The following CNTNAP2 variants were observed in gnomAD, a reference collection of about 807,000 sequenced individuals.
The protein encoded by CNTNAP2 is contactin associated protein 2, also known as contactin-associated protein-like 2.
Under a neutral mutation model 155.2 loss-of-function variants are expected in CNTNAP2, and 98 were observed. The observed-to-expected ratio is 0.63, with a 90% CI of 0.54 to 0.75. The LOEUF (loss-of-function observed/expected upper bound fraction) is 0.75, where lower values mean the gene tolerates loss of function less well. Ranked by LOEUF, CNTNAP2 falls within the 30% of genes least tolerant of loss-of-function variation. The pLI is 0.00. For synonymous variants in CNTNAP2, 651 were observed against 631.2 expected, an observed-to-expected ratio of 1.03 and a Z score of -0.47; for missense variants, 1,727 against 1,688.1, an observed-to-expected ratio of 1.02 and a Z score of -0.40.
chr7:147,898,801 A>G (rs1799813652), intron 13 of CNTNAP2, among the ~76,000 whole-genome samples: 2 of 152,178 alleles, frequency 1.3e-5, no homozygotes, highest in Admixed American at 1.3e-4. Context: ...TACAGGTGTG[A>G]GCCACCACGT....
intron 1 of CNTNAP2, among the ~76,000 whole-genome samples, chr7:146,479,897 G>C (rs1796934200): frequency 6.6e-6 from 1 of 152,120 alleles, no homozygotes; most frequent in Non-Finnish European, 1.5e-5. Context: ...CGATTCTTCT[G>C]CCTCATCCTC....
intron 3 of CNTNAP2, among the ~76,000 whole-genome samples, chr7:146,893,948 A>G (rs1240326538): frequency 6.6e-6 from 1 of 152,182 alleles, no homozygotes; most frequent in African/African-American, 2.4e-5. Flanking sequence ...CTAGGAGAGT[A>G]ATATTCTGGC....
chr7:147,576,646 C>T (rs1010987063), intron 12 of CNTNAP2, among the ~76,000 whole-genome samples: 1 of 152,162 alleles, frequency 6.6e-6, no homozygotes, highest in East Asian at 1.9e-4. Flanking sequence ...CATTTTGATG[C>T]AAGAGTGAAG....
At chr7:148,253,336 G>A (rs1325657907) in intron 20 of CNTNAP2, among the ~76,000 whole-genome samples, 4 of 151,980 alleles carry the variant, frequency 2.6e-5, no homozygotes, top group Admixed American at 6.6e-5. Flanking sequence ...CCTTCAAAAC[G>A]CCTCCACTCT....
At chr7:147,126,480 TA>T (rs1417120098) in intron 6 of CNTNAP2, among the ~76,000 whole-genome samples, 4 of 152,150 alleles carry the variant, frequency 2.6e-5, no homozygotes, top group African/African-American at 9.7e-5. Flanking sequence ...ATTTTATTAT[TA>T]TTAATATTTG....
intron 1 of CNTNAP2, among the ~76,000 whole-genome samples, chr7:146,645,995 T>C: frequency 6.6e-6 from 1 of 152,190 alleles, no homozygotes. Flanking sequence ...AAAAGTCACA[T>C]ATGTCACTGT....
At position 146,822,645 on chromosome 7, in the gene CNTNAP2, T is replaced by A. The variant is rs180708665; in HGVS notation, c.209-17066T>A. 3.4e-5 allele frequency among the ~76,000 whole-genome samples: 5 copies of A among 148,522 alleles called. No individual in the cohort carries two copies. The East Asian group carries it at 9.9e-4, about 29-fold the overall frequency. ...GTGAAAACATTACTTATCAAAATAC[T>A]AATAAATATTTAAATATAAATATAC... On this transcript the variant is annotated intron_variant, in intron 2 of 23. Transcript: ENST00000361727.
intron 11 of CNTNAP2, among the ~76,000 whole-genome samples, chr7:147,515,238 C>CA (rs1476460213): frequency 1.2e-4 from 19 of 152,052 alleles, no homozygotes; most frequent in African/African-American, 4.6e-4. Flanking sequence ...CCCACCTTAA[C>CA]AACCATATTT....
rs1055434027 is a variant in CNTNAP2 at position 147,049,371 on chromosome 7, C to T, written c.550+5317C>T. On this transcript the variant is annotated intron_variant, in intron 4 of 23. Coordinates refer to ENST00000361727, the MANE Select transcript of CNTNAP2 (RefSeq NM_014141.6). Reference sequence around the variant, plus strand: ...AAACATATTTGTTACGAAACACTTTCCAAAAGTTACTTCCAAAAATTTACT... The same window carrying T: ...AAACATATTTGTTACGAAACACTTTTCAAAAGTTACTTCCAAAAATTTACT... Among the ~76,000 whole-genome samples, 4 of 152,108 alleles carry T rather than the reference C, an allele frequency of 2.6e-5. No homozygotes were observed. In the East Asian group the frequency reaches 5.8e-4, roughly 22 times the overall value.
intron 8 of CNTNAP2, among the ~76,000 whole-genome samples, chr7:147,160,105 A>G (rs1801999121): frequency 6.6e-6 from 1 of 152,122 alleles, no homozygotes; most frequent in South Asian, 2.1e-4. Flanking sequence ...ACTGTGACTG[A>G]CAAATTGGTT....
At chr7:146,464,310 T>G (rs1796685348) in intron 1 of CNTNAP2, among the ~76,000 whole-genome samples, 1 of 151,304 alleles carries the variant, frequency 6.6e-6, no homozygotes, top group South Asian at 2.1e-4. Context: ...TCCTCCTCCC[T>G]ATCAGAATAT....
chr7:146,903,664 A>G (rs946284982), intron 3 of CNTNAP2, among the ~76,000 whole-genome samples: 45 of 152,310 alleles, frequency 3.0e-4, no homozygotes, highest in African/African-American at 1.1e-3. Context: ...GAATCAGCGG[A>G]TCTCACAGAC....
At chr7:147,084,449 T>C (rs1237458963) in intron 4 of CNTNAP2, among the ~76,000 whole-genome samples, 5 of 139,298 alleles carry the variant, frequency 3.6e-5, no homozygotes, top group Non-Finnish European at 6.1e-5. Context: ...ATAATACATA[T>C]ATGCATAATG....
intron 3 of CNTNAP2, among the ~76,000 whole-genome samples, chr7:146,911,099 C>A (rs1425570007): frequency 6.6e-6 from 1 of 152,046 alleles, no homozygotes; most frequent in Non-Finnish European, 1.5e-5. Context: ...ATCAAAACCA[C>A]TATGAGATAT....
At chr7:147,499,648 C>G (rs1469338566) in intron 11 of CNTNAP2, among the ~76,000 whole-genome samples, 1 of 152,096 alleles carries the variant, frequency 6.6e-6, no homozygotes. Flanking sequence ...CAAATTTTAC[C>G]CTAGTTCTCT....
At chr7:147,016,734 A>C (rs1798729845) in intron 3 of CNTNAP2, among the ~76,000 whole-genome samples, 1 of 152,138 alleles carries the variant, frequency 6.6e-6, no homozygotes, top group Non-Finnish European at 1.5e-5. Context: ...TAGGTGAATA[A>C]GGCACAAAAT....
chr7:146,720,246 C>A (rs141449560), intron 1 of CNTNAP2, among the ~76,000 whole-genome samples: 1 of 152,206 alleles, frequency 6.6e-6, no homozygotes, highest in Non-Finnish European at 1.5e-5. Context: ...TTGTCTACTC[C>A]AAAATGCTGT....
At chr7:146,746,271 C>A (rs148068670) in intron 1 of CNTNAP2, among the ~76,000 whole-genome samples, 1 of 152,244 alleles carries the variant, frequency 6.6e-6, no homozygotes, top group East Asian at 1.9e-4. Context: ...CAATGAACAT[C>A]AGTAACATAA....
chr7:148,195,883 G>A (rs982222135), intron 18 of CNTNAP2, among the ~76,000 whole-genome samples: 14 of 151,984 alleles, frequency 9.2e-5, no homozygotes, highest in African/African-American at 2.4e-4. Context: ...AATAAAGACC[G>A]TGGAAAGAAA....
Sources: gnomAD v4.1 joint callset for allele counts (sites outside exome capture counted in the v4.1 genomes callset) on GRCh38, gnomAD v4.1.1 for gene constraint, MANE v1.5 for transcripts, NCBI Gene and HGNC (gene_info 2026-07-23, HGNC 2026-07-21) for gene names.